PTPRD: variants seen among roughly 807,000 people sequenced by gnomAD.
PTPRD encodes receptor-type tyrosine-protein phosphatase delta.
Under a neutral mutation model 214.5 loss-of-function variants are expected in PTPRD, and 34 were observed. That is an observed-to-expected ratio of 0.16 (90% CI 0.12 to 0.21). PTPRD has a LOEUF of 0.21. PTPRD is among the 10% of genes least tolerant of loss of function. PTPRD has a pLI of 1.00. For missense variants in PTPRD, 2,545 were observed against 2,398.7 expected (o/e 1.06, Z -1.27); for synonymous variants, 1,128 against 845.7 (o/e 1.33, Z -5.79).
At chr9:8,562,839 A>G (rs1449111582) in intron 14 of PTPRD, among the ~76,000 whole-genome samples, 1 of 151,714 alleles carries the variant, frequency 6.6e-6, no homozygotes, top group African/African-American at 2.4e-5. Flanking sequence ...CCAATCTGCA[A>G]AGATTTTCTT....
chr9:9,500,017 T>C (rs1159524570), intron 8 of PTPRD, among the ~76,000 whole-genome samples: 1 of 152,130 alleles, frequency 6.6e-6, no homozygotes, highest in African/African-American at 2.4e-5. Context: ...ATATTAATTC[T>C]TATGAACACA....
intron 3 of PTPRD, among the ~76,000 whole-genome samples, chr9:10,283,391 T>A (rs2095222265): frequency 6.6e-6 from 1 of 152,212 alleles, no homozygotes; most frequent in Non-Finnish European, 1.5e-5. Context: ...TTTTTGCTAT[T>A]TATCCCTAGA....
chr9:10,186,836 C>A (rs2099333508), intron 3 of PTPRD, among the ~76,000 whole-genome samples: 1 of 151,978 alleles, frequency 6.6e-6, no homozygotes. Context: ...ACAAAAAAAA[C>A]TCTAAGATAC....
chr9:8,630,699 G>T (rs1482671373), intron 14 of PTPRD, among the ~76,000 whole-genome samples: 1 of 151,858 alleles, frequency 6.6e-6, no homozygotes, highest in East Asian at 1.9e-4. Flanking sequence ...AGAAAGTTGA[G>T]ACCATATTAA....
chr9:10,502,997 C>T (rs2044291808), intron 2 of PTPRD, among the ~76,000 whole-genome samples: 1 of 151,660 alleles, frequency 6.6e-6, no homozygotes. Context: ...ATTGTTTTTG[C>T]TTTATTTTGA....
intron 14 of PTPRD, among the ~76,000 whole-genome samples, chr9:8,540,966 A>T (rs1045086820): frequency 1.3e-5 from 2 of 152,194 alleles, no homozygotes; most frequent in Admixed American, 1.3e-4. Context: ...CTGAAAACAG[A>T]GGTAATGGCA....
At position 9,316,470 on chromosome 9, in the gene PTPRD, A is replaced by G. The variant is rs186895919; in HGVS notation, c.-203+80979T>C. 2.8e-3 allele frequency among the ~76,000 whole-genome samples: 422 copies of G among 152,284 alleles called. 1 individual carries two copies. Among genetic ancestry groups the G allele is most frequent in the African/African-American group, 9.7e-3 (402 of 41,582 alleles). ...AGACTTTTATTAGGGTAATCTATAG[A>G]TAAGTCAAACAAGACATTGCTTGAC... is the stretch of plus-strand genomic sequence containing the variant. On this transcript the variant is annotated intron_variant, in intron 9 of 45. Transcript: ENST00000381196.
chr9:8,450,422 T>C (rs773910424), intron 33 of PTPRD, among the ~76,000 whole-genome samples: 45 of 151,776 alleles, frequency 3.0e-4, no homozygotes, highest in Non-Finnish European at 3.4e-4. Context: ...AACTCCCCTT[T>C]CTCTTTCAAA....
chr9:9,842,423 C>T (rs1452164513), intron 5 of PTPRD, among the ~76,000 whole-genome samples: 2 of 144,608 alleles, frequency 1.4e-5, no homozygotes, highest in African/African-American at 5.1e-5. Flanking sequence ...GGATTAAATC[C>T]ATGATAATAT....
chr9:8,633,975 T>C (rs1180104129), intron 13 of PTPRD, among the ~76,000 whole-genome samples: 5 of 151,962 alleles, frequency 3.3e-5, no homozygotes, highest in Non-Finnish European at 4.4e-5. Context: ...ATCTAGTACT[T>C]AGGCAGCCAA....
intron 14 of PTPRD, among the ~76,000 whole-genome samples, chr9:8,557,046 G>A (rs1034910891): frequency 2.6e-5 from 4 of 152,124 alleles, no homozygotes; most frequent in African/African-American, 9.7e-5. Context: ...ATTAGGAAGT[G>A]GTTTGTGGTA....
chr9:10,125,487 C>A (rs892587223), intron 3 of PTPRD, among the ~76,000 whole-genome samples: 11 of 138,526 alleles, frequency 7.9e-5, no homozygotes, highest in African/African-American at 3.0e-4. Flanking sequence ...CAGCGTCTTG[C>A]TCTGTTCCCC....
chr9:8,730,359 T>G (rs183726075), intron 12 of PTPRD, among the ~76,000 whole-genome samples: 6 of 152,130 alleles, frequency 3.9e-5, no homozygotes, highest in African/African-American at 9.7e-5. Flanking sequence ...CAATCTGAAG[T>G]GGAAAAATGA....
intron 11 of PTPRD, among the ~76,000 whole-genome samples, chr9:8,917,901 A>C (rs1264908377): frequency 3.9e-5 from 6 of 152,208 alleles, no homozygotes; most frequent in African/African-American, 1.4e-4. Flanking sequence ...ATGTGTGTGC[A>C]TGTGCATGCC....
chr9:8,640,349 C>G (rs1342728685), intron 12 of PTPRD, among the ~76,000 whole-genome samples: 1 of 151,758 alleles, frequency 6.6e-6, no homozygotes, highest in Non-Finnish European at 1.5e-5. Context: ...AACTCCATCT[C>G]AAAAATAAAA....
At chr9:10,278,824 G>T (rs970111391) in intron 3 of PTPRD, among the ~76,000 whole-genome samples, 1 of 151,910 alleles carries the variant, frequency 6.6e-6, no homozygotes, top group Non-Finnish European at 1.5e-5. Context: ...GCCCAGGCTG[G>T]AGTGCAGTAG....
At chr9:9,560,735 G>C (rs572545352) in intron 8 of PTPRD, among the ~76,000 whole-genome samples, 19 of 152,316 alleles carry the variant, frequency 1.2e-4, no homozygotes, top group Middle Eastern at 6.8e-3. Flanking sequence ...GCCGTGGGCA[G>C]GTGAATATGG....
chr9:9,711,472 T>C (rs1437158917), intron 7 of PTPRD, among the ~76,000 whole-genome samples: 1 of 152,156 alleles, frequency 6.6e-6, no homozygotes, highest in African/African-American at 2.4e-5. Context: ...AAAAACAGGC[T>C]AAAATAAAAT....
At chr9:9,851,667 T>C (rs1188078414) in intron 5 of PTPRD, among the ~76,000 whole-genome samples, 1 of 152,108 alleles carries the variant, frequency 6.6e-6, no homozygotes, top group Admixed American at 6.6e-5. Flanking sequence ...ATAGTCCCCA[T>C]TATGTGGGAA....
Sources: allele counts gnomAD v4.1 joint callset (sites outside exome capture counted in the v4.1 genomes callset), GRCh38; gene constraint gnomAD v4.1.1; transcripts MANE v1.5; gene names NCBI Gene and HGNC (gene_info 2026-07-23, HGNC 2026-07-21).